The following KCNJ3 variants were observed in gnomAD, a reference collection of about 807,000 sequenced individuals.
The protein encoded by KCNJ3 is potassium inwardly rectifying channel subfamily J member 3.
A neutral mutation model predicts 39.2 loss-of-function variants in KCNJ3; 4 were observed. That is an observed-to-expected ratio of 0.10 (90% CI 0.05 to 0.23). The LOEUF (loss-of-function observed/expected upper bound fraction) is 0.23, where lower values mean the gene tolerates loss of function less well. Ranked by LOEUF, KCNJ3 falls within the 10% of genes least tolerant of loss-of-function variation. The probability of loss-of-function intolerance (pLI) is 1.00; values close to 1 mark genes in which losing one functional copy is unlikely to be tolerated. For synonymous variants in KCNJ3, 230 were observed against 237.4 expected (o/e 0.97, Z 0.29); for missense variants, 276 against 634.9 (o/e 0.43, Z 6.08).
intron 2 of KCNJ3, among the ~76,000 whole-genome samples, chr2:154,795,475 G>C (rs1686706362): frequency 6.6e-6 from 1 of 151,902 alleles, no homozygotes; most frequent in African/African-American, 2.4e-5. Flanking sequence ...TCATAATTAT[G>C]ATGTATTTTC....
intron 2 of KCNJ3, among the ~76,000 whole-genome samples, chr2:154,838,115 T>A (rs569548601): frequency 2.6e-5 from 4 of 152,140 alleles, no homozygotes; most frequent in African/African-American, 9.7e-5. Flanking sequence ...TGTGACAATA[T>A]GACACATTCA....
At chr2:154,719,798 T>C (rs1322843474) in intron 2 of KCNJ3, among the ~76,000 whole-genome samples, 1 of 152,112 alleles carries the variant, frequency 6.6e-6, no homozygotes, top group Non-Finnish European at 1.5e-5. Flanking sequence ...TAACAGAGAT[T>C]AAATAGAAAT....
At chr2:154,835,488 TGA>T (rs1687443230) in intron 2 of KCNJ3, among the ~76,000 whole-genome samples, 3 of 92,642 alleles carry the variant, frequency 3.2e-5, no homozygotes, top group East Asian at 8.3e-4. Context: ...ATAATATTCA[TGA>T]ATATGAATAT....
At chr2:154,705,667 G>C (rs979704597) in intron 1 of KCNJ3, among the ~76,000 whole-genome samples, 3 of 152,062 alleles carry the variant, frequency 2.0e-5, no homozygotes, top group African/African-American at 7.2e-5. Flanking sequence ...ATTATTAAAT[G>C]ACATCTGTAT....
chr2:154,834,371 T>C (rs759696429), intron 2 of KCNJ3, among the ~76,000 whole-genome samples: 5 of 152,188 alleles, frequency 3.3e-5, no homozygotes, highest in East Asian at 1.9e-4. Flanking sequence ...CTTTTGCCCA[T>C]ATTTTATTGA....
chr2:154,752,228 A>T (rs1009935007), intron 2 of KCNJ3, among the ~76,000 whole-genome samples: 7 of 151,910 alleles, frequency 4.6e-5, no homozygotes, highest in Non-Finnish European at 1.0e-4. Flanking sequence ...TTCTTTAGAA[A>T]GTGCTATTGT....
intron 2 of KCNJ3, among the ~76,000 whole-genome samples, chr2:154,778,250 GA>G (rs1389400853): frequency 1.3e-5 from 2 of 151,844 alleles, no homozygotes; most frequent in African/African-American, 4.8e-5. Flanking sequence ...AAAAATTTCT[GA>G]AAAAAGTATT....
intron 1 of KCNJ3, among the ~76,000 whole-genome samples, chr2:154,700,983 T>C (rs1319944903): frequency 1.3e-5 from 2 of 152,164 alleles, no homozygotes; most frequent in African/African-American, 2.4e-5. Flanking sequence ...CATATTCATA[T>C]ATAATTAATT....
intron 2 of KCNJ3, among the ~76,000 whole-genome samples, chr2:154,768,540 G>T (rs572519128): frequency 2.0e-5 from 3 of 152,046 alleles, no homozygotes; most frequent in African/African-American, 7.2e-5. Context: ...TGTTCCATTG[G>T]TCTATATCTC....
intron 2 of KCNJ3, among the ~76,000 whole-genome samples, chr2:154,754,342 T>A (rs1574448878): frequency 6.6e-6 from 1 of 152,206 alleles, no homozygotes; most frequent in East Asian, 1.9e-4. Flanking sequence ...CGATCTCGGC[T>A]CACTGCAGCC....
intron 2 of KCNJ3, among the ~76,000 whole-genome samples, chr2:154,772,083 A>T (rs547374331): frequency 1.3e-5 from 2 of 152,316 alleles, no homozygotes; most frequent in East Asian, 3.9e-4. Context: ...TGTTGTCAAG[A>T]TGCTAAAAAT....
In KCNJ3 at chr2:154,776,343, C is replaced by A. The variant is rs536107692; in HGVS notation, c.919+66524C>A. Among the ~76,000 whole-genome samples, 4 of 152,188 alleles carry A rather than the reference C, an allele frequency of 2.6e-5. 1 individual carries two copies. The highest frequency in any genetic ancestry group is 9.6e-5 in the African/African-American group (4 of 41,526). On this transcript the variant is annotated intron_variant, in intron 2 of 2. Coordinates refer to ENST00000295101, the MANE Select transcript of KCNJ3 (RefSeq NM_002239.4). ...TGTGCTCTTCCACTGCCTCACAGTT[C>A]CCTTTCCCACCCCCAACCCCCATCT...
chr2:154,821,507 A>T (rs769685690), intron 2 of KCNJ3, among the ~76,000 whole-genome samples: 1 of 152,106 alleles, frequency 6.6e-6, no homozygotes, highest in Non-Finnish European at 1.5e-5. Flanking sequence ...ACAAGATTCC[A>T]TTAGTGTATT....
intron 2 of KCNJ3, among the ~76,000 whole-genome samples, chr2:154,718,917 T>C (rs1290693856): frequency 6.6e-6 from 1 of 152,126 alleles, no homozygotes; most frequent in African/African-American, 2.4e-5. Context: ...CAGCAAGCCT[T>C]ATGGATAATC....
chr2:154,756,093 T>C (rs1372395353), intron 2 of KCNJ3, among the ~76,000 whole-genome samples: 1 of 152,122 alleles, frequency 6.6e-6, no homozygotes, highest in African/African-American at 2.4e-5. Flanking sequence ...GTTTAGATCT[T>C]TATGTAAGCA....
intron 1 of KCNJ3, among the ~76,000 whole-genome samples, chr2:154,701,879 T>C (rs900739403): frequency 6.6e-5 from 10 of 152,042 alleles, no homozygotes; most frequent in African/African-American, 2.4e-4. Flanking sequence ...GCGTAGCTTG[T>C]TCAAAGTTAA....
intron 2 of KCNJ3, among the ~76,000 whole-genome samples, chr2:154,770,596 G>C (rs896686295): frequency 1.3e-5 from 2 of 151,970 alleles, no homozygotes; most frequent in Admixed American, 6.6e-5. Context: ...TTATTACACT[G>C]CTGATTCTTT....
At chr2:154,751,884 GAC>G (rs1685850735) in intron 2 of KCNJ3, among the ~76,000 whole-genome samples, 1 of 151,826 alleles carries the variant, frequency 6.6e-6, no homozygotes, top group African/African-American at 2.4e-5. Flanking sequence ...TTTTTATAAA[GAC>G]AACAGTCATA....
chr2:154,716,867 C>T (rs887732082), intron 2 of KCNJ3, among the ~76,000 whole-genome samples: 1 of 152,096 alleles, frequency 6.6e-6, no homozygotes, highest in Admixed American at 6.5e-5. Flanking sequence ...TTTTTTCTTA[C>T]AGGAAATTAA....
Sources: gnomAD v4.1 joint callset for allele counts (sites outside exome capture counted in the v4.1 genomes callset) on GRCh38, gnomAD v4.1.1 for gene constraint, MANE v1.5 for transcripts, NCBI Gene and HGNC (gene_info 2026-07-23, HGNC 2026-07-21) for gene names.